Variants in DDX10 observed in about 807,000 individuals in gnomAD.
DDX10 encodes DEAD-box helicase 10.
A neutral mutation model predicts 104.3 loss-of-function variants in DDX10; 74 were observed. That is an observed-to-expected ratio of 0.71 (90% CI 0.59 to 0.86). DDX10 has a LOEUF of 0.86. Among genes scored for constraint, DDX10 ranks in the 40% least tolerant of loss-of-function variants. The probability of loss-of-function intolerance (pLI) is 0.00; values close to 1 mark genes in which losing one functional copy is unlikely to be tolerated. For missense variants in DDX10, 952 were observed against 1,040.0 expected (o/e 0.92, Z 1.16); for synonymous variants, 351 against 353.4 (o/e 0.99, Z 0.08).
chr11:108,682,919 G>A (rs1286558142), intron 6 of DDX10, among the ~76,000 whole-genome samples: 1 of 151,686 alleles, frequency 6.6e-6, no homozygotes, highest in Non-Finnish European at 1.5e-5. Context: ...TGTACTCTAA[G>A]TTCCATTATT....
At chr11:108,764,545 T>C (rs543418809) in intron 13 of DDX10, among the ~76,000 whole-genome samples, 32 of 152,288 alleles carry the variant, frequency 2.1e-4, no homozygotes, top group African/African-American at 6.0e-4. Context: ...GGCGGATGCC[T>C]GTGATCCCAG....
Position 108,719,841 on chromosome 11 carries a change from A to C in DDX10, c.1455A>C (p.Lys485Asn). 6.2e-7 allele frequency: 1 copy of C among 1,607,976 alleles called. No homozygotes were observed. Among genetic ancestry groups the C allele is most frequent in the Non-Finnish European group, 8.5e-7 (1 of 1,174,500 alleles). ...GATCTGTATATCTGATGAAGGATAA[A>C]GAAGTATTTGATGTGAGCAAGTTAC... ...YVRSVYLMKD[K>N]EVFDVSKLPI... The change falls in exon 12 of 18, where the codon AAA becomes AAC. Residue 485 changes from lysine (K) to asparagine (N), a missense_variant. By Grantham distance (94) the Lys-to-Asn change is moderately conservative. This residue lies in a region of DDX10 where 533 missense variants were observed against 534.1 expected (regional missense o/e 1.00). Transcript: ENST00000322536.
chr11:108,871,940 A>AAG, intron 16 of DDX10, among the ~76,000 whole-genome samples: 1 of 151,742 alleles, frequency 6.6e-6, no homozygotes, highest in Non-Finnish European at 1.5e-5. Context: ...AAAAAAAAAA[A>AAG]TTAAGCTTTG....
At chr11:108,723,516 A>T in intron 13 of DDX10, 54 bp downstream of exon 13, 1 of 1,507,008 alleles carries the variant, frequency 6.6e-7, no homozygotes, top group Non-Finnish European at 8.9e-7. Context: ...CTATGTGCTT[A>T]TTGTTGCCTT....
chr11:108,833,714 T>TC (rs1235124592), intron 13 of DDX10, among the ~76,000 whole-genome samples: 1 of 152,214 alleles, frequency 6.6e-6, no homozygotes, highest in African/African-American at 2.4e-5. Flanking sequence ...CTAAAGCTCT[T>TC]CAACTTGACC....
chr11:108,685,402 C>T (rs1044287109), intron 6 of DDX10, among the ~76,000 whole-genome samples: 53 of 151,630 alleles, frequency 3.5e-4, no homozygotes, highest in African/African-American at 1.0e-3. Flanking sequence ...GCGCACGGTG[C>T]GCACACACAC....
At chr11:108,863,218 A>G (rs1862963176) in intron 16 of DDX10, among the ~76,000 whole-genome samples, 1 of 152,208 alleles carries the variant, frequency 6.6e-6, no homozygotes, top group African/African-American at 2.4e-5. Flanking sequence ...TTAAGGGGGA[A>G]GTAGGCACTT....
intron 13 of DDX10, among the ~76,000 whole-genome samples, chr11:108,814,140 G>C (rs576978966): frequency 3.9e-5 from 6 of 152,024 alleles, no homozygotes; most frequent in Non-Finnish European, 5.9e-5. Flanking sequence ...GGAAGTATAG[G>C]GTAATATGTA....
intron 13 of DDX10, among the ~76,000 whole-genome samples, chr11:108,799,551 G>T (rs1861989716): frequency 6.6e-6 from 1 of 152,186 alleles, no homozygotes; most frequent in Non-Finnish European, 1.5e-5. Flanking sequence ...GTACATGAAT[G>T]TTAACATTCT....
chr11:108,678,275 G>A, intron 4 of DDX10, 40 bp from the exon 5 acceptor site: 1 of 1,593,784 alleles, frequency 6.3e-7, no homozygotes, highest in Non-Finnish European at 8.5e-7. Flanking sequence ...GCTGCTGAGA[G>A]TGATGTGTCT....
intron 13 of DDX10, among the ~76,000 whole-genome samples, chr11:108,771,709 G>A (rs1350526866): frequency 2.0e-5 from 3 of 152,186 alleles, no homozygotes; most frequent in Non-Finnish European, 4.4e-5. Context: ...TTATCTAAAT[G>A]AGTGTTGTAT....
At chr11:108,684,513 C>G (rs1321512270) in intron 6 of DDX10, among the ~76,000 whole-genome samples, 1 of 149,048 alleles carries the variant, frequency 6.7e-6, no homozygotes, top group African/African-American at 2.5e-5. Context: ...ATCCATGTCC[C>G]TACAAAGGAC....
At chr11:108,682,218 C>T (rs1252013696) in intron 6 of DDX10, among the ~76,000 whole-genome samples, 1 of 152,110 alleles carries the variant, frequency 6.6e-6, no homozygotes, top group Admixed American at 6.5e-5. Flanking sequence ...AATTTTACTG[C>T]CTCAGCTTCC....
intron 15 of DDX10, among the ~76,000 whole-genome samples, chr11:108,849,740 A>G (rs1862766292): frequency 6.7e-6 from 1 of 148,428 alleles, no homozygotes; most frequent in Admixed American, 6.7e-5. Context: ...AAAATAAAAT[A>G]GGAAAAATAA....
At position 108,852,266 on chromosome 11, in the gene DDX10, G is replaced by A. The variant is rs1443505182; in HGVS notation, c.2304+57G>A. The A allele has an allele frequency of 9.5e-6, 13 of 1,367,298 alleles. No homozygotes were observed. The Admixed American group carries it at 1.1e-4, about 11-fold the overall frequency. The allele number at this position is 1,367,298 out of a possible 1,614,324, so 84.7% of individuals were successfully genotyped here. A position where few individuals can be genotyped will look rare whatever the true frequency, so the allele number is the denominator to read the frequency against. ...CTCTATTAAGGTAGAATGGACAAAAGCATTTTATATTTTGGCAAGAACAAT... is the reference window on the plus strand; with the variant it reads ...CTCTATTAAGGTAGAATGGACAAAAACATTTTATATTTTGGCAAGAACAAT... On this transcript the variant is annotated intron_variant, in intron 16 of 17. Coordinates refer to ENST00000322536, the MANE Select transcript of DDX10 (RefSeq NM_004398.4).
intron 13 of DDX10, among the ~76,000 whole-genome samples, chr11:108,779,328 A>G (rs547659649): frequency 2.0e-5 from 3 of 152,244 alleles, no homozygotes; most frequent in Non-Finnish European, 2.9e-5. Context: ...AAAATGTGGC[A>G]CATATACCCT....
chr11:108,665,134 C>T lies in DDX10; in HGVS notation c.-20C>T, dbSNP rs371832715. ...GTCTCGTGTCTGGGGTTGATCCGAG[C>T]TGTCGCCGCCGCCGCCGCAATGGGC... is the stretch of plus-strand genomic sequence containing the variant. On this transcript the variant is annotated 5_prime_UTR_variant, in exon 1 of 18. Coordinates refer to ENST00000322536, the MANE Select transcript of DDX10 (RefSeq NM_004398.4). 18 of 1,595,862 alleles carry T rather than the reference C, an allele frequency of 1.1e-5. No homozygotes were observed. In the African/African-American group the frequency reaches 2.4e-4, roughly 22 times the overall value.
At chr11:108,876,239 C>T (rs527782721) in intron 16 of DDX10, among the ~76,000 whole-genome samples, 55 of 151,912 alleles carry the variant, frequency 3.6e-4, no homozygotes, top group African/African-American at 1.2e-3. Context: ...CTTTTTTTCA[C>T]TCATTTTTAG....
At chr11:108,720,028 G>C in intron 12 of DDX10, 143 bp downstream of exon 12, 1 of 640,180 alleles carries the variant, frequency 1.6e-6, no homozygotes, top group Non-Finnish European at 2.8e-6. Flanking sequence ...TCAACTTCCT[G>C]AAGTGTTAGG....
Sources: allele counts gnomAD v4.1 joint callset (sites outside exome capture counted in the v4.1 genomes callset), GRCh38; gene constraint gnomAD v4.1.1; regional missense constraint gnomAD v4.1.1; transcripts MANE v1.5; gene names NCBI Gene and HGNC (gene_info 2026-07-23, HGNC 2026-07-21).